Variants in MECOM observed in about 807,000 individuals in gnomAD.
MECOM encodes histone-lysine N-methyltransferase MECOM.
In MECOM, 13 loss-of-function variants were observed where a neutral mutation model predicts 116.3. The observed-to-expected ratio is 0.11, with a 90% CI of 0.07 to 0.18. MECOM has a LOEUF of 0.18. MECOM is among the 10% of genes least tolerant of loss of function. The pLI is 1.00. For synonymous variants in MECOM, 528 were observed against 535.2 expected (o/e 0.99, Z 0.19); for missense variants, 1,299 against 1,509.0 (o/e 0.86, Z 2.31).
chr3:169,187,706 A>G (rs140008740), intron 2 of MECOM, among the ~76,000 whole-genome samples: 1 of 152,158 alleles, frequency 6.6e-6, no homozygotes, highest in Non-Finnish European at 1.5e-5. Context: ...TTATTTTTCC[A>G]AGAAAATGAA....
At chr3:169,347,490 A>G (rs1299097346) in intron 2 of MECOM, among the ~76,000 whole-genome samples, 1 of 152,010 alleles carries the variant, frequency 6.6e-6, no homozygotes, top group Admixed American at 6.6e-5. Flanking sequence ...GACACGGAGT[A>G]TTTACTAGGG....
At chr3:169,099,211 G>A (rs1409350904) in intron 12 of MECOM, among the ~76,000 whole-genome samples, 4 of 151,514 alleles carry the variant, frequency 2.6e-5, no homozygotes, top group Non-Finnish European at 5.9e-5. Context: ...AAATATATAT[G>A]CACAATAATA....
intron 1 of MECOM, among the ~76,000 whole-genome samples, chr3:169,384,109 C>T (rs1370051255): frequency 2.6e-5 from 4 of 152,158 alleles, no homozygotes; most frequent in African/African-American, 9.7e-5. Context: ...AAATAGGTCC[C>T]TGATGGGAGA....
At chr3:169,347,405 A>T (rs1485221098) in intron 2 of MECOM, among the ~76,000 whole-genome samples, 1 of 151,992 alleles carries the variant, frequency 6.6e-6, no homozygotes, top group Non-Finnish European at 1.5e-5. Context: ...CATACACACA[A>T]TGTCTGTGTG....
At chr3:169,129,799 C>T (rs1734067375) in intron 4 of MECOM, among the ~76,000 whole-genome samples, 3 of 152,162 alleles carry the variant, frequency 2.0e-5, no homozygotes, top group South Asian at 4.1e-4. Flanking sequence ...ACTTACTAGC[C>T]ATGCATTCTT....
rs1179975195 is a variant in MECOM at position 169,450,232 on chromosome 3, G to GAGTGAAAA, written c.38-68709_38-68708insTTTTCACT. ...TCAAGACACTAACGTAAACCTATTT[G>GAGTGAAAA]GCCACTTGAGTGAAAAGCTTTGAAG... is the stretch of plus-strand genomic sequence containing the variant. On this transcript the variant is annotated intron_variant, in intron 1 of 16. Transcript: ENST00000651503. 2.6e-5 allele frequency among the ~76,000 whole-genome samples: 4 copies of GAGTGAAAA among 152,192 alleles called. No homozygotes were observed. In the East Asian group the frequency reaches 5.8e-4, roughly 22 times the overall value.
Position 169,131,427 on chromosome 3 carries a change from A to C in MECOM, c.613+2T>G. The stretch of plus-strand genomic sequence containing the variant: ...AAGGAGGGTGGCGTGAGTGGTACTA[A>C]CCGTGGATATCCGGCGCCATAGTTT... On this transcript the variant is annotated splice_donor_variant, in intron 4 of 16. Transcript: ENST00000651503. LOFTEE classifies it high-confidence loss of function. 1 of 1,613,318 alleles carries C rather than the reference A, an allele frequency of 6.2e-7. No homozygotes were observed. The highest frequency in any genetic ancestry group is 8.5e-7 in the Non-Finnish European group (1 of 1,179,378).
chr3:169,324,781 C>T (rs926244373), intron 2 of MECOM, among the ~76,000 whole-genome samples: 15 of 152,148 alleles, frequency 9.9e-5, no homozygotes, highest in African/African-American at 3.4e-4. Context: ...GGGCTAATGC[C>T]GTTAACGCAG....
At chr3:169,421,630 G>A (rs1203710727) in intron 1 of MECOM, among the ~76,000 whole-genome samples, 2 of 151,556 alleles carry the variant, frequency 1.3e-5, no homozygotes, top group South Asian at 4.2e-4. Flanking sequence ...GCTAACCAAC[G>A]AGAATTCTCA....
At chr3:169,612,210 TA>T (rs1279150398) in intron 1 of MECOM, among the ~76,000 whole-genome samples, 12 of 152,212 alleles carry the variant, frequency 7.9e-5, no homozygotes, top group Admixed American at 7.9e-4. Flanking sequence ...TTAAAGGATA[TA>T]TTAATCAAAG....
At chr3:169,425,650 T>G (rs945618565) in intron 1 of MECOM, among the ~76,000 whole-genome samples, 2 of 152,182 alleles carry the variant, frequency 1.3e-5, no homozygotes, top group Admixed American at 1.3e-4. Context: ...GCATTTTGAT[T>G]GGTCAAACAG....
intron 1 of MECOM, among the ~76,000 whole-genome samples, chr3:169,456,454 A>G (rs914345320): frequency 3.8e-4 from 58 of 152,184 alleles, no homozygotes; most frequent in African/African-American, 1.3e-3. Flanking sequence ...GGGGCTTGGA[A>G]CCTAGTGGGA....
intron 1 of MECOM, among the ~76,000 whole-genome samples, chr3:169,390,069 A>G (rs747508093): frequency 5.3e-5 from 8 of 152,162 alleles, no homozygotes; most frequent in Admixed American, 1.3e-4. Flanking sequence ...GCTTGCGTCA[A>G]TATGTTGCTG....
chr3:169,228,291 T>C (rs2149514877), intron 2 of MECOM, among the ~76,000 whole-genome samples: 1 of 152,356 alleles, frequency 6.6e-6, no homozygotes, highest in South Asian at 2.1e-4. Context: ...ATGGAAATAC[T>C]AGCACAAGAC....
chr3:169,107,511 GTATC>G (rs1422158760), intron 10 of MECOM, among the ~76,000 whole-genome samples: 1 of 151,680 alleles, frequency 6.6e-6, no homozygotes, highest in Non-Finnish European at 1.5e-5. Context: ...ATGTCAGCCT[GTATC>G]TACACAGGAG....
chr3:169,140,487 T>C (rs1287878281), intron 3 of MECOM, among the ~76,000 whole-genome samples: 1 of 152,036 alleles, frequency 6.6e-6, no homozygotes, highest in African/African-American at 2.4e-5. Context: ...TGAATAAAGA[T>C]ATCAGTCAGA....
chr3:169,349,670 T>C (rs1725972661), intron 2 of MECOM, among the ~76,000 whole-genome samples: 1 of 151,968 alleles, frequency 6.6e-6, no homozygotes, highest in Admixed American at 6.6e-5. Context: ...GTCTATGCTT[T>C]CTAGATAAAT....
At chr3:169,413,898 T>C (rs186420330) in intron 1 of MECOM, among the ~76,000 whole-genome samples, 219 of 152,284 alleles carry the variant, frequency 1.4e-3, no homozygotes, top group African/African-American at 3.8e-3. Flanking sequence ...CAGGAGCTTA[T>C]AGGTAAAACT....
At chr3:169,279,670 A>T (rs3898488) in intron 2 of MECOM, among the ~76,000 whole-genome samples, 1 of 152,170 alleles carries the variant, frequency 6.6e-6, no homozygotes. Flanking sequence ...GCATAATCAA[A>T]TCTATTGCTA....
Sources: allele counts gnomAD v4.1 joint callset (sites outside exome capture counted in the v4.1 genomes callset), GRCh38; gene constraint gnomAD v4.1.1; transcripts MANE v1.5; gene names NCBI Gene and HGNC (gene_info 2026-07-23, HGNC 2026-07-21).